The following CNNM2 variants were observed in gnomAD, a reference collection of about 807,000 sequenced individuals.
CNNM2 encodes the protein cyclin and CBS domain divalent metal cation transport mediator 2.
In CNNM2, 12 loss-of-function variants were observed where a neutral mutation model predicts 66.9. The observed-to-expected ratio is 0.18, with a 90% CI of 0.11 to 0.29. The LOEUF (loss-of-function observed/expected upper bound fraction) is 0.29, where lower values mean the gene tolerates loss of function less well. CNNM2 is among the 10% of genes least tolerant of loss of function. The pLI is 1.00. For synonymous variants in CNNM2, 557 were observed against 501.8 expected (o/e 1.11, Z -1.47); for missense variants, 705 against 1,167.7 (o/e 0.60, Z 5.77).
intron 7 of CNNM2, among the ~76,000 whole-genome samples, chr10:103,076,656 G>A (rs760075664): frequency 5.9e-5 from 9 of 152,312 alleles, no homozygotes; most frequent in Admixed American, 4.6e-4. Flanking sequence ...GTCTTCTGCC[G>A]GGCAGTCAGA....
At chr10:103,008,003 A>C (rs1590385647) in intron 1 of CNNM2, among the ~76,000 whole-genome samples, 4 of 152,316 alleles carry the variant, frequency 2.6e-5, no homozygotes, top group Middle Eastern at 3.4e-3. Flanking sequence ...CTGACTTCCC[A>C]CAACAATTTC....
intron 1 of CNNM2, among the ~76,000 whole-genome samples, chr10:103,041,385 T>C (rs1055215404): frequency 3.3e-5 from 5 of 152,314 alleles, no homozygotes; most frequent in Non-Finnish European, 4.4e-5. Context: ...TTCAGAGTTT[T>C]AAAGCCTGGG....
Position 103,079,065 on chromosome 10 carries a change from C to G in CNNM2, c.*1885C>G, listed in dbSNP as rs2065730849. ...CCCGAGGGTGCTGAGTGGCCTGCTACTGGCACGCAACCTGCCCCCGTGGGA... is the reference window on the plus strand; with the variant it reads ...CCCGAGGGTGCTGAGTGGCCTGCTAGTGGCACGCAACCTGCCCCCGTGGGA... On this transcript the variant is annotated 3_prime_UTR_variant, in exon 8 of 8. Transcript: ENST00000369878. The G allele has an allele frequency of 6.6e-6, 1 of 152,432 alleles. No homozygotes were observed. Among genetic ancestry groups the G allele is most frequent in the South Asian group, 2.1e-4 (1 of 4,834 alleles). The allele number at this position is 152,432 out of a possible 1,614,324, so 9.4% of individuals were successfully genotyped here.
intron 7 of CNNM2, 31 bp downstream of exon 7, chr10:103,076,301 C>G: frequency 6.5e-7 from 1 of 1,547,672 alleles, no homozygotes; most frequent in Non-Finnish European, 8.7e-7. Context: ...GTGGCTGGAC[C>G]TGGCAGTTAG....
rs146593340 is a variant in CNNM2, at chr10:102,998,969, A to G, written c.1622-50738A>G. Among the ~76,000 whole-genome samples the G allele has an allele frequency of 1.3e-3, 198 of 152,316 alleles. 1 individual carries two copies. Among genetic ancestry groups the G allele is most frequent in the African/African-American group, 4.6e-3 (191 of 41,574 alleles). ...GCCCAGGCTAGAGTGCAGTGGCGCA[A>G]TCCGGGCTCACTACAGCCTCTGCTT... is the stretch of plus-strand genomic sequence containing the variant. On this transcript the variant is annotated intron_variant, in intron 1 of 7. Coordinates refer to ENST00000369878, the MANE Select transcript of CNNM2 (RefSeq NM_017649.5).
At position 103,077,317 on chromosome 10, in the gene CNNM2, C is replaced by G. The variant is rs2065708643; in HGVS notation, c.*137C>G. Reference sequence around the variant, plus strand: ...CATCCTGAGACCAAAGACCTTGTGCCCTTCCCAGGAGCCGCGGAGGAGGAC... The same window carrying G: ...CATCCTGAGACCAAAGACCTTGTGCGCTTCCCAGGAGCCGCGGAGGAGGAC... On this transcript the variant is annotated 3_prime_UTR_variant, in exon 8 of 8. Transcript: ENST00000369878. 1 of 749,894 alleles carries G rather than the reference C, an allele frequency of 1.3e-6. No individual in the cohort carries two copies. The highest frequency in any genetic ancestry group is 2.1e-6 in the Non-Finnish European group (1 of 470,874). 46.5% of individuals were successfully genotyped at this position (749,894 alleles called of 1,614,324 possible).
At chr10:103,035,111 C>T (rs1396172610) in intron 1 of CNNM2, among the ~76,000 whole-genome samples, 2 of 151,906 alleles carry the variant, frequency 1.3e-5, no homozygotes, top group Non-Finnish European at 2.9e-5. Flanking sequence ...ATAGTGGGAC[C>T]GTGTCTTGAA....
chr10:103,032,661 CTTTT>C (rs11300982), intron 1 of CNNM2, among the ~76,000 whole-genome samples: 45 of 120,552 alleles, frequency 3.7e-4, no homozygotes, highest in African/African-American at 6.5e-4. Context: ...TGATGTAGCT[CTTTT>C]TTTTTTTTTT....
At chr10:103,032,185 C>T (rs750171714) in intron 1 of CNNM2, among the ~76,000 whole-genome samples, 4 of 152,196 alleles carry the variant, frequency 2.6e-5, no homozygotes, top group Admixed American at 6.5e-5. Flanking sequence ...TACGGTGACT[C>T]ATGCCTGTAA....
At chr10:102,924,439 G>C (rs1845775021) in intron 1 of CNNM2, among the ~76,000 whole-genome samples, 1 of 152,094 alleles carries the variant, frequency 6.6e-6, no homozygotes, top group Non-Finnish European at 1.5e-5. Context: ...GTAACAGGTG[G>C]GATCACCAGA....
intron 1 of CNNM2, among the ~76,000 whole-genome samples, chr10:103,013,577 GT>G (rs1210953762): frequency 2.0e-5 from 3 of 152,120 alleles, no homozygotes; most frequent in African/African-American, 7.2e-5. Flanking sequence ...AAGAAATGGG[GT>G]TTGAAGTAAC....
At chr10:102,973,436 A>G (rs933586654) in intron 1 of CNNM2, among the ~76,000 whole-genome samples, 3 of 151,806 alleles carry the variant, frequency 2.0e-5, no homozygotes, top group Non-Finnish European at 4.4e-5. Context: ...AAATGCCACC[A>G]CACTCAGCTA....
Position 103,080,827 on chromosome 10 carries a change from G to T in CNNM2, c.*3647G>T, listed in dbSNP as rs2065750837. The T allele has an allele frequency of 6.6e-6, 1 of 152,238 alleles. No individual in the cohort carries two copies. The highest frequency in any genetic ancestry group is 6.5e-5 in the Admixed American group (1 of 15,292). 9.4% of individuals were successfully genotyped at this position (152,238 alleles called of 1,614,324 possible). A position where few individuals can be genotyped will look rare whatever the true frequency, so the allele number is the denominator to read the frequency against. On this transcript the variant is annotated 3_prime_UTR_variant, in exon 8 of 8. Transcript: ENST00000369878. ...AGCAATAGGAATTTGAGCTAAGCAGGTACCATGAACTTCTGCCCTCAAATT... is the reference window on the plus strand; with the variant it reads ...AGCAATAGGAATTTGAGCTAAGCAGTTACCATGAACTTCTGCCCTCAAATT...
At chr10:102,934,179 A>G (rs1278014368) in intron 1 of CNNM2, among the ~76,000 whole-genome samples, 2 of 151,998 alleles carry the variant, frequency 1.3e-5, no homozygotes, top group African/African-American at 2.4e-5. Context: ...TAGATAGGAA[A>G]AGAAGAAATA....
chr10:103,003,084 A>G (rs1413050085), intron 1 of CNNM2, among the ~76,000 whole-genome samples: 4 of 151,752 alleles, frequency 2.6e-5, no homozygotes, highest in African/African-American at 9.7e-5. Flanking sequence ...AAAAGGAATG[A>G]AGTATGCATA....
rs2063401340 is a variant in CNNM2, at chr10:102,962,692, G to C, written c.1621+42591G>C. 5.4e-5 allele frequency among the ~76,000 whole-genome samples: 3 copies of C among 55,730 alleles called. No individual in the cohort carries two copies. The Admixed American group carries it at 5.5e-4, about 10-fold the overall frequency. The allele number at this position is 55,730 out of a possible 152,430, so 36.6% of individuals were successfully genotyped here. A position where few individuals can be genotyped will look rare whatever the true frequency, so the allele number is the denominator to read the frequency against. On this transcript the variant is annotated intron_variant, in intron 1 of 7. Coordinates refer to ENST00000369878, the MANE Select transcript of CNNM2 (RefSeq NM_017649.5). ...GAGAATTCTCACAATATGATATACTGTGTGTGTGTGTGTGTGTGTGTGTGT... is the reference window on the plus strand; with the variant it reads ...GAGAATTCTCACAATATGATATACTCTGTGTGTGTGTGTGTGTGTGTGTGT...
rs2065687933 is a variant in CNNM2 at position 103,076,218 on chromosome 10, T to C, written c.2366T>C (p.Val789Ala). 3 of 1,583,378 alleles carry C rather than the reference T, an allele frequency of 1.9e-6. No individual in the cohort carries two copies. Among genetic ancestry groups the C allele is most frequent in the Non-Finnish European group, 1.7e-6 (2 of 1,164,516 alleles). ...CAGCTCAATTCTTCGCTCCTCCAAG[T>C]CTACATCCCCGATTACTCGGTGCGA... ...NNQLNSSLLQVYIPDYSVRAL... is the reference protein window; with the variant it reads ...NNQLNSSLLQAYIPDYSVRAL... The change falls in exon 7 of 8, where the codon GTC (valine) becomes GCC (alanine). Residue 789 changes from valine (V) to alanine (A), a missense_variant. Around this residue, in one of 9 missense-constraint regions of CNNM2, gnomAD observed 194 missense variants for 227.6 expected, o/e 0.85. Transcript: ENST00000369878.
intron 1 of CNNM2, among the ~76,000 whole-genome samples, chr10:102,977,350 C>G (rs536573358): frequency 1.3e-3 from 204 of 152,268 alleles, no homozygotes; most frequent in Non-Finnish European, 2.3e-3. Flanking sequence ...AACATTTCTT[C>G]TGAGCATCAT....
intron 1 of CNNM2, among the ~76,000 whole-genome samples, chr10:102,949,222 C>G (rs1177651925): frequency 6.6e-6 from 1 of 152,166 alleles, no homozygotes; most frequent in Non-Finnish European, 1.5e-5. Context: ...GTTGCCCAGG[C>G]TGGAGTGCAG....
Sources: allele counts gnomAD v4.1 joint callset (sites outside exome capture counted in the v4.1 genomes callset), GRCh38; gene constraint gnomAD v4.1.1; regional missense constraint gnomAD v4.1.1; transcripts MANE v1.5; gene names NCBI Gene and HGNC (gene_info 2026-07-23, HGNC 2026-07-21).